PGLYRP2: variants seen among roughly 807,000 people sequenced by gnomAD.
PGLYRP2 encodes the protein peptidoglycan recognition protein 2, also known as N-acetylmuramoyl-L-alanine amidase.
In PGLYRP2, 38 loss-of-function variants were observed where a neutral mutation model predicts 46.2. The observed-to-expected ratio is 0.82, with a 90% CI of 0.64 to 1.08. PGLYRP2 has a LOEUF of 1.08. PGLYRP2 is among the 50% of genes least tolerant of loss of function. The probability of loss-of-function intolerance (pLI) is 0.00; values close to 1 mark genes in which losing one functional copy is unlikely to be tolerated. For synonymous variants in PGLYRP2, 289 were observed against 329.4 expected (o/e 0.88, Z 1.33); for missense variants, 713 against 755.9 (o/e 0.94, Z 0.67).
chr19:15,472,145 T>G (rs1352590254), intron 2 of PGLYRP2, 45 bp from the exon 3 acceptor site: 1 of 1,495,846 alleles, frequency 6.7e-7, no homozygotes, highest in Non-Finnish European at 9.1e-7. Flanking sequence ...ACTGTTTCTC[T>G]GCCTGTTCCT....
rs1970780846 is a variant in PGLYRP2 at position 15,475,013 on chromosome 19, A to G, written c.1132+525T>C. Among the ~76,000 whole-genome samples the G allele has an allele frequency of 2.0e-5, 3 of 152,026 alleles. No individual in the cohort carries two copies. The South Asian group carries it at 6.2e-4, about 32-fold the overall frequency. On this transcript the variant is annotated intron_variant, in intron 2 of 4. Coordinates refer to ENST00000340880, the MANE Select transcript of PGLYRP2 (RefSeq NM_052890.4). ...AAAAAAAAGAAAGAATGTCTTTTGC[A>G]GCAACATGGATGGAACTGGAGGCCA... is the stretch of plus-strand genomic sequence containing the variant.
At chr19:15,472,587 T>A (rs1970760174) in intron 2 of PGLYRP2, among the ~76,000 whole-genome samples, 1 of 151,280 alleles carries the variant, frequency 6.6e-6, no homozygotes, top group Non-Finnish European at 1.5e-5. Flanking sequence ...AGCAAGACTC[T>A]GTCCCCCCCA....
Position 15,476,059 on chromosome 19 carries a change from G to A in PGLYRP2, c.611C>T (p.Pro204Leu). Residue 204 changes from proline (P) to leucine (L), a missense_variant, in exon 2 of 5, where the codon CCA becomes CTA. Physicochemically the swap from Pro to Leu is moderately conservative, Grantham distance 98. Transcript: ENST00000340880. ...CGGTGGGGACTTGGCTTTGGCATCT[G>A]GCAAGGAAGCTTGGACATCTGGACA... ...KGCPDVQASLPDAKAKSPPTM... is the reference protein window; with the variant it reads ...KGCPDVQASLLDAKAKSPPTM... The A allele has an allele frequency of 6.2e-7, 1 of 1,614,190 alleles. No homozygotes were observed. The highest frequency in any genetic ancestry group is 8.5e-7 in the Non-Finnish European group (1 of 1,180,046).
chr19:15,476,719 C>G, intron 1 of PGLYRP2, 111 bp from the exon 2 acceptor site: 2 of 878,954 alleles, frequency 2.3e-6, no homozygotes, highest in Non-Finnish European at 3.4e-6. Context: ...CCCCATGACC[C>G]CCAACACTAT....
chr19:15,473,942 A>G (rs1970772969), intron 2 of PGLYRP2, among the ~76,000 whole-genome samples: 1 of 152,236 alleles, frequency 6.6e-6, no homozygotes. Context: ...CACATGGCCA[A>G]TAGGCAAAGG....
At position 15,476,192 on chromosome 19, in the gene PGLYRP2, C is replaced by T. The variant is rs1970794107; in HGVS notation, c.478G>A (p.Ala160Thr). Residue 160 changes from alanine to threonine, a missense_variant, in exon 2 of 5, where the codon GCC becomes ACC. Coordinates refer to ENST00000340880, the MANE Select transcript of PGLYRP2 (RefSeq NM_052890.4). The part of the protein sequence containing the change: ...ETGDTFPDVV[A>T]IAPDVRATSS... ...GTGGCTCTTACATCTGGAGCAATGG[C>T]CACAACATCTGGAAAGGTATCTCCA... The T allele has an allele frequency of 1.9e-6, 3 of 1,614,024 alleles. No homozygotes were observed. Among genetic ancestry groups the T allele is most frequent in the Non-Finnish European group, 2.5e-6 (3 of 1,180,028 alleles).
In PGLYRP2 at chr19:15,469,567, G is replaced by A. The variant is rs1054787812; in HGVS notation, c.1641+65C>T. On this transcript the variant is annotated intron_variant, in intron 4 of 4. Coordinates refer to ENST00000340880, the MANE Select transcript of PGLYRP2 (RefSeq NM_052890.4). This position sits in a 1 kb window ranked among gnomAD's most constrained non-coding sequence, Gnocchi z 4.9. ...ACAGCTGTTACAGGCAGGGGGCAGG[G>A]GCCTCGTGGAGCTTGTGTAGACGGA... The A allele has an allele frequency of 3.2e-6, 5 of 1,540,084 alleles. No individual in the cohort carries two copies. The highest frequency in any genetic ancestry group is 4.4e-6 in the Non-Finnish European group (5 of 1,146,568).
intron 3 of PGLYRP2, among the ~76,000 whole-genome samples, chr19:15,470,675 G>A (rs1436434681): frequency 2.8e-5 from 4 of 145,216 alleles, no homozygotes; most frequent in Admixed American, 1.4e-4. Context: ...ACGGAGTTTC[G>A]CTCTTGTAGC....
At chr19:15,476,807 G>A (rs1431279210) in intron 1 of PGLYRP2, among the ~76,000 whole-genome samples, 199 bp from the exon 2 acceptor site, 1 of 152,146 alleles carries the variant, frequency 6.6e-6, no homozygotes, top group East Asian at 1.9e-4. Context: ...GTGAGTACTG[G>A]GGAGCCATGG....
At position 15,469,420 on chromosome 19, in the gene PGLYRP2, G is replaced by A; in HGVS notation, c.1641+212C>T. 2.6e-6 allele frequency: 2 copies of A among 758,574 alleles called. No individual in the cohort carries two copies. Among genetic ancestry groups the A allele is most frequent in the Non-Finnish European group, 4.6e-6 (2 of 435,140 alleles). 47.0% of individuals were successfully genotyped at this position (758,574 alleles called of 1,614,324 possible). ...CTGGGTCTGGGGCTGAGCTGAGGCT[G>A]CATAGGCAGAAGTCACAGGATCAGG... On this transcript the variant is annotated intron_variant, in intron 4 of 4. Coordinates refer to ENST00000340880, the MANE Select transcript of PGLYRP2 (RefSeq NM_052890.4). This position sits in a 1 kb window ranked among gnomAD's most constrained non-coding sequence, Gnocchi z 4.9.
Position 15,469,925 on chromosome 19 carries a change from C to T in PGLYRP2, c.1348G>A (p.Val450Met). 7.0e-7 allele frequency: 1 copy of T among 1,425,034 alleles called. No individual in the cohort carries two copies. The highest frequency in any genetic ancestry group is 1.5e-5 in the African/African-American group (1 of 67,372). 88.3% of individuals were successfully genotyped at this position (1,425,034 alleles called of 1,614,324 possible). A position where few individuals can be genotyped will look rare whatever the true frequency, so the allele number is the denominator to read the frequency against. ...QGWGDIGYSFVVGSDGYVYEG... is the reference protein window; with the variant it reads ...QGWGDIGYSFMVGSDGYVYEG... ...TACACGTAGCCGTCCGAGCCCACCA[C>T]GAAACTGCAGAGGGGAGGGAGAAGC... is the stretch of plus-strand genomic sequence containing the variant. The change falls in exon 4 of 5, where the codon GTG (valine) becomes ATG (methionine). Residue 450 changes from valine (V) to methionine (M), a missense_variant. Val to Met is a conservative substitution (Grantham distance 21). Transcript: ENST00000340880. This position sits in a 1 kb window ranked among gnomAD's most constrained non-coding sequence, Gnocchi z 4.9.
chr19:15,477,721 T>TAAAATAAAAATAAAA (rs56127600), intron 1 of PGLYRP2, among the ~76,000 whole-genome samples: 15 of 135,364 alleles, frequency 1.1e-4, no homozygotes, highest in Admixed American at 2.2e-4. Flanking sequence ...TAAAATAAAA[T>TAAAATAAAAATAAAA]TAAATTAAAA....
In PGLYRP2 at chr19:15,469,885, C is replaced by A; in HGVS notation, c.1388G>T (p.Trp463Leu). 6.8e-7 allele frequency: 1 copy of A among 1,478,624 alleles called. No individual in the cohort carries two copies. Among genetic ancestry groups the A allele is most frequent in the Non-Finnish European group, 8.9e-7 (1 of 1,124,206 alleles). The allele number at this position is 1,478,624 out of a possible 1,614,324, so 91.6% of individuals were successfully genotyped here. Residue 463 changes from tryptophan to leucine, a missense_variant, in exon 4 of 5, where the codon TGG becomes TTG. Physicochemically the swap from Trp to Leu is moderately conservative, Grantham distance 61. Coordinates refer to ENST00000340880, the MANE Select transcript of PGLYRP2 (RefSeq NM_052890.4). The surrounding 1 kb of genome is among the most constrained non-coding windows in gnomAD (Gnocchi z 4.9). ...SDGYVYEGRG[W>L]HWVGAHTLGH... ...GAGCGTGTGGGCGCCCACCCAGTGC[C>A]AGCCGCGTCCCTCGTACACGTAGCC...
At chr19:15,471,162 G>A (rs190483823) in intron 3 of PGLYRP2, among the ~76,000 whole-genome samples, 1 of 142,142 alleles carries the variant, frequency 7.0e-6, no homozygotes, top group African/African-American at 2.7e-5. Flanking sequence ...GCCCAGGCTG[G>A]AGTGCAATGG....
rs1411216647 is a variant in PGLYRP2, at chr19:15,475,785, G to T, written c.885C>A (p.Ser295=). 6.2e-7 allele frequency: 1 copy of T among 1,614,114 alleles called. No individual in the cohort carries two copies. Among genetic ancestry groups the T allele is most frequent in the South Asian group, 1.1e-5 (1 of 91,080 alleles). Reference sequence around the variant, plus strand: ...AGTACTGGCTCAGCAAGTGGCTGAGGGATGGCCGGGGCTCAGGAGTCCGGC... The same window carrying T: ...AGTACTGGCTCAGCAAGTGGCTGAGTGATGGCCGGGGCTCAGGAGTCCGGC... ...YLSRTPEPRP[S]LSHLLSQYYG... The change falls in exon 2 of 5, where the codon TCC becomes TCA. Residue 295 remains serine, a synonymous_variant. Coordinates refer to ENST00000340880, the MANE Select transcript of PGLYRP2 (RefSeq NM_052890.4).
In PGLYRP2 at chr19:15,468,728, TC is replaced by T; in HGVS notation, c.1665del (p.Ser556ValfsTer?). ...FTATVKPRPA[R>X]SVSKRSRREP... ...TCCCTCCTGGATCTCTTAGAGACAC[TC>T]CTGGCAGGTCTTGGCTTAACAGTCT... On this transcript the variant is annotated frameshift_variant, in exon 5 of 5. Coordinates refer to ENST00000340880, the MANE Select transcript of PGLYRP2 (RefSeq NM_052890.4). LOFTEE classifies it low-confidence loss of function (END_TRUNC). 1.2e-6 allele frequency: 2 copies of T among 1,612,466 alleles called. No individual in the cohort carries two copies. Among genetic ancestry groups the T allele is most frequent in the Non-Finnish European group, 1.7e-6 (2 of 1,179,204 alleles).
intron 2 of PGLYRP2, among the ~76,000 whole-genome samples, chr19:15,474,925 T>G (rs549650250): frequency 6.6e-6 from 1 of 151,270 alleles, no homozygotes; most frequent in African/African-American, 2.4e-5. Flanking sequence ...AGGCGGAGGT[T>G]GCAGTGAGCT....
chr19:15,472,009 G>T lies in PGLYRP2; in HGVS notation c.1224C>A (p.Tyr408Ter), dbSNP rs773436487. The change falls in exon 3 of 5, where the codon TAC becomes TAA. Residue 408 changes from tyrosine to a stop codon, truncating the protein, a stop_gained. Coordinates refer to ENST00000340880, the MANE Select transcript of PGLYRP2 (RefSeq NM_052890.4). LOFTEE classifies it high-confidence loss of function. ...KLLQLPLGFL[Y>*]VHHTYVPAPP... ...GTGCAGGCACGTAGGTGTGATGCACGTACAAGAATCCCAGCGGCAGCTGCA... is the reference window on the plus strand; with the variant it reads ...GTGCAGGCACGTAGGTGTGATGCACTTACAAGAATCCCAGCGGCAGCTGCA... 1.4e-5 allele frequency: 23 copies of T among 1,613,644 alleles called. No homozygotes were observed. The South Asian group carries it at 2.3e-4, about 16-fold the overall frequency.
chr19:15,472,008 C>G lies in PGLYRP2; in HGVS notation c.1225G>C (p.Val409Leu), dbSNP rs767730436. Residue 409 changes from valine (V) to leucine (L), a missense_variant, in exon 3 of 5, where the codon GTG (valine) becomes CTG (leucine). Transcript: ENST00000340880. ...GGTGCAGGCACGTAGGTGTGATGCA[C>G]GTACAAGAATCCCAGCGGCAGCTGC... ...LLQLPLGFLY[V>L]HHTYVPAPPC... The G allele has an allele frequency of 1.8e-5, 29 of 1,613,544 alleles. No individual in the cohort carries two copies. The highest frequency in any genetic ancestry group is 2.3e-5 in the Non-Finnish European group (27 of 1,179,972).
Sources: allele counts gnomAD v4.1 joint callset (sites outside exome capture counted in the v4.1 genomes callset), GRCh38; gene constraint gnomAD v4.1.1; non-coding constraint Gnocchi (gnomAD v3.1); transcripts MANE v1.5; gene names NCBI Gene and HGNC (gene_info 2026-07-23, HGNC 2026-07-21).